Variants in GALNT17 observed in about 807,000 individuals in gnomAD.
GALNT17 encodes the protein UDP-GalNAc:polypeptide N-acetylgalactosaminyltransferase-like 3.
Under a neutral mutation model 63.7 loss-of-function variants are expected in GALNT17, and 29 were observed. That is an observed-to-expected ratio of 0.46 (90% CI 0.34 to 0.62). GALNT17 has a LOEUF of 0.62. GALNT17 is among the 20% of genes least tolerant of loss of function. The pLI is 0.01. For synonymous variants in GALNT17, 305 were observed against 318.3 expected (o/e 0.96, Z 0.45); for missense variants, 603 against 799.6 (o/e 0.75, Z 2.97).
chr7:71,640,662 T>TA (rs1054110760), intron 6 of GALNT17, among the ~76,000 whole-genome samples: 14 of 152,072 alleles, frequency 9.2e-5, no homozygotes, highest in Non-Finnish European at 1.5e-4. Flanking sequence ...TATCATATTT[T>TA]AAAAAAACCA....
chr7:71,418,262 T>C (rs532999936), intron 4 of GALNT17, among the ~76,000 whole-genome samples: 2 of 152,358 alleles, frequency 1.3e-5, no homozygotes, highest in South Asian at 4.1e-4. Flanking sequence ...GTCTTTGCCA[T>C]TCAGACGCAT....
At chr7:71,380,074 G>A (rs1331898464) in intron 2 of GALNT17, among the ~76,000 whole-genome samples, 4 of 152,100 alleles carry the variant, frequency 2.6e-5, no homozygotes, top group Non-Finnish European at 4.4e-5. Flanking sequence ...GAGGGATGGC[G>A]GTGTTGCATA....
At chr7:71,321,939 C>CCCTT (rs1419886487) in intron 1 of GALNT17, among the ~76,000 whole-genome samples, 1 of 114,326 alleles carries the variant, frequency 8.7e-6, no homozygotes, top group African/African-American at 3.6e-5. Context: ...CTCCCTCCCT[C>CCCTT]CCTCCCTTCC....
At position 71,469,322 on chromosome 7, in the gene GALNT17, T is replaced by C. The variant is rs534662952; in HGVS notation, c.962+48217T>C. ...GCAAGTTATTTAAACTTTATAACCC[T>C]CAAATTCCTCATTTGTGAATTAACA... is the stretch of plus-strand genomic sequence containing the variant. On this transcript the variant is annotated intron_variant, in intron 5 of 10. Coordinates refer to ENST00000333538, the MANE Select transcript of GALNT17 (RefSeq NM_022479.3). Among the ~76,000 whole-genome samples the C allele has an allele frequency of 2.6e-5, 4 of 152,338 alleles. No homozygotes were observed. In the South Asian group the frequency reaches 8.3e-4, roughly 32 times the overall value.
In GALNT17 at chr7:71,552,684, C is replaced by T. The variant is rs1281243341; in HGVS notation, c.963-18601C>T. Among the ~76,000 whole-genome samples the T allele has an allele frequency of 5.3e-5, 8 of 152,000 alleles. No individual in the cohort carries two copies. The South Asian group carries it at 8.3e-4, about 16-fold the overall frequency. ...CTCAAACTCCTGACCTTAGGTGATC[C>T]GTCCGCCTCGGCCTCCCAAAGTGCT... On this transcript the variant is annotated intron_variant, in intron 5 of 10. Coordinates refer to ENST00000333538, the MANE Select transcript of GALNT17 (RefSeq NM_022479.3).
At chr7:71,361,029 A>G (rs180949671) in intron 2 of GALNT17, among the ~76,000 whole-genome samples, 1 of 152,312 alleles carries the variant, frequency 6.6e-6, no homozygotes, top group East Asian at 1.9e-4. Context: ...TTATTTGACT[A>G]GCTACTTATT....
At chr7:71,493,991 G>T (rs114465503) in intron 5 of GALNT17, among the ~76,000 whole-genome samples, 63 of 152,152 alleles carry the variant, frequency 4.1e-4, no homozygotes, top group African/African-American at 1.5e-3. Flanking sequence ...AAGAGGCAGG[G>T]TGTATTAGTC....
chr7:71,245,136 G>A (rs1241711762), intron 1 of GALNT17, among the ~76,000 whole-genome samples: 1 of 152,004 alleles, frequency 6.6e-6, no homozygotes, highest in Non-Finnish European at 1.5e-5. Flanking sequence ...AAATAATTAC[G>A]TTCTAAGTCT....
chr7:71,672,487 A>G (rs1791085094), intron 8 of GALNT17, among the ~76,000 whole-genome samples: 1 of 152,198 alleles, frequency 6.6e-6, no homozygotes, highest in Admixed American at 6.5e-5. Flanking sequence ...TAATACACCA[A>G]ACTGAAAATA....
chr7:71,686,588 C>G (rs1249375019), intron 9 of GALNT17, among the ~76,000 whole-genome samples: 1 of 151,600 alleles, frequency 6.6e-6, no homozygotes, highest in East Asian at 1.9e-4. Context: ...AGGGATCTCA[C>G]TATGTTGCCC....
chr7:71,370,571 G>T (rs898793113), intron 2 of GALNT17, among the ~76,000 whole-genome samples: 26 of 149,406 alleles, frequency 1.7e-4, no homozygotes, highest in Admixed American at 1.6e-3. Context: ...TGCAACCTCT[G>T]CCTCTCAGGT....
chr7:71,132,737 C>A lies in GALNT17; in HGVS notation c.-66C>A. 1 of 1,392,144 alleles carries A rather than the reference C, an allele frequency of 7.2e-7. No homozygotes were observed. Among genetic ancestry groups the A allele is most frequent in the Non-Finnish European group, 9.8e-7 (1 of 1,024,672 alleles). The allele number at this position is 1,392,144 out of a possible 1,614,324, so 86.2% of individuals were successfully genotyped here. On this transcript the variant is annotated 5_prime_UTR_variant, in exon 1 of 11. It adds an upstream start codon to the 5' untranslated region. Coordinates refer to ENST00000333538, the MANE Select transcript of GALNT17 (RefSeq NM_022479.3). The stretch of plus-strand genomic sequence containing the variant: ...TGTGTGAGGCTTGCACGGCCCCTGG[C>A]TGCCCCGCGCCTCGCCGGAGCCCGA...
At chr7:71,347,104 C>G (rs1295469431) in intron 2 of GALNT17, among the ~76,000 whole-genome samples, 1 of 152,066 alleles carries the variant, frequency 6.6e-6, no homozygotes. Flanking sequence ...GTGCCCTTTC[C>G]TTTAGTGTGT....
chr7:71,337,523 A>T (rs1463718050), intron 2 of GALNT17, among the ~76,000 whole-genome samples: 3 of 152,132 alleles, frequency 2.0e-5, no homozygotes, highest in African/African-American at 7.2e-5. Flanking sequence ...TGCCAAACTG[A>T]TAGGTTATTG....
intron 9 of GALNT17, among the ~76,000 whole-genome samples, chr7:71,689,793 AGAG>A (rs774300089): frequency 1.1e-4 from 16 of 152,192 alleles, no homozygotes; most frequent in Non-Finnish European, 1.8e-4. Flanking sequence ...TCCCACATAG[AGAG>A]GAGAAGTCCA....
chr7:71,523,359 G>A (rs1237637797), intron 5 of GALNT17, among the ~76,000 whole-genome samples: 1 of 152,200 alleles, frequency 6.6e-6, no homozygotes, highest in South Asian at 2.1e-4. Context: ...AGCCCAGGAG[G>A]CAGAGGCTGT....
In GALNT17 at chr7:71,203,382, C is replaced by T. The variant is rs545281646; in HGVS notation, c.238+70342C>T. On this transcript the variant is annotated intron_variant, in intron 1 of 10. Transcript: ENST00000333538. ...CATTGTGTTTTCAATTTGCATTTCC[C>T]TGATGATTAATGTTATTGGACATTT... Among the ~76,000 whole-genome samples the T allele has an allele frequency of 5.3e-5, 8 of 152,238 alleles. No individual in the cohort carries two copies. The South Asian group carries it at 1.5e-3, about 28-fold the overall frequency.
chr7:71,293,645 G>A (rs1181657965), intron 1 of GALNT17, among the ~76,000 whole-genome samples: 3 of 152,146 alleles, frequency 2.0e-5, no homozygotes, highest in Non-Finnish European at 4.4e-5. Context: ...GACAAACACA[G>A]TTTTTGTTTG....
intron 1 of GALNT17, among the ~76,000 whole-genome samples, chr7:71,232,600 G>A (rs954405491): frequency 6.6e-6 from 1 of 152,166 alleles, no homozygotes; most frequent in African/African-American, 2.4e-5. Context: ...GAATTCAAGA[G>A]TGAGCCAGTA....
Sources: gnomAD v4.1 joint callset for allele counts (sites outside exome capture counted in the v4.1 genomes callset) on GRCh38, gnomAD v4.1.1 for gene constraint, MANE v1.5 for transcripts, NCBI Gene and HGNC (gene_info 2026-07-23, HGNC 2026-07-21) for gene names.